HAGH: variants seen among roughly 807,000 people sequenced by gnomAD.
The protein encoded by HAGH is hydroxyacylglutathione hydrolase, mitochondrial.
In HAGH, 29 loss-of-function variants were observed where a neutral mutation model predicts 35.1. The observed-to-expected ratio is 0.83, with a 90% CI of 0.62 to 1.13. The LOEUF (loss-of-function observed/expected upper bound fraction) is 1.13, where lower values mean the gene tolerates loss of function less well. Among genes scored for constraint, HAGH ranks in the 50% most tolerant of loss-of-function variants. The pLI, the probability that HAGH is intolerant of heterozygous loss-of-function variation, is 0.00. For missense variants in HAGH, 478 were observed against 419.6 expected (o/e 1.14, Z -1.22); for synonymous variants, 225 against 176.1 (o/e 1.28, Z -2.20).
chr16:1,822,941 G>C lies in HAGH; in HGVS notation c.173C>G (p.Thr58Ser), dbSNP rs749442164. 6.2e-7 allele frequency: 1 copy of C among 1,613,774 alleles called. No individual in the cohort carries two copies. Among genetic ancestry groups the C allele is most frequent in the Non-Finnish European group, 8.5e-7 (1 of 1,179,776 alleles). The change falls in exon 2 of 9, where the codon ACC becomes AGC. Residue 58 changes from threonine (T) to serine (S), a missense_variant. Coordinates refer to ENST00000397356, the MANE Select transcript of HAGH (RefSeq NM_005326.6). ...AATGACCAGGTACATGTAGTTGTCG[G>C]TCAGGGCAGGCAGCACCTCTACCTT... ...TMKVEVLPAL[T>S]DNYMYLVIDD...
At chr16:1,809,558 G>C in intron 8 of HAGH, 176 bp from the exon 9 acceptor site, 1 of 664,022 alleles carries the variant, frequency 1.5e-6, no homozygotes, top group Non-Finnish European at 2.6e-6. Flanking sequence ...GGGTCCAGAA[G>C]GACTCACACC....
intron 7 of HAGH, among the ~76,000 whole-genome samples, chr16:1,813,499 T>C (rs1409319683): frequency 6.6e-6 from 1 of 152,220 alleles, no homozygotes; most frequent in Non-Finnish European, 1.5e-5. Flanking sequence ...CAAATAATCA[T>C]GACCAGAAGT....
rs1474890499 is a variant in HAGH, at chr16:1,812,513, AAAAAAAC to A, written c.748-2687_748-2681del. On this transcript the variant is annotated intron_variant, in intron 7 of 8. Coordinates refer to ENST00000397356, the MANE Select transcript of HAGH (RefSeq NM_005326.6). ...GAGCGAAACGCTGTCTCAAAAAAAAAAAAAAACAAAAAAAAAACACACAAATTGTCAA... is the reference window on the plus strand; with the variant it reads ...GAGCGAAACGCTGTCTCAAAAAAAAAAAAAAAAAAACACACAAATTGTCAA... 3.5e-5 allele frequency: 5 copies of A among 141,042 alleles called. No homozygotes were observed. In the East Asian group the frequency reaches 1.0e-3, roughly 29 times the overall value. The allele number at this position is 141,042 out of a possible 1,614,324, so 8.7% of individuals were successfully genotyped here.
At chr16:1,811,089 C>T (rs1402445163) in intron 7 of HAGH, among the ~76,000 whole-genome samples, 1 of 152,158 alleles carries the variant, frequency 6.6e-6, no homozygotes, top group South Asian at 2.1e-4. Context: ...AGCTATTTTT[C>T]CTACAAAGTA....
At chr16:1,819,040 C>A (rs764153289) in intron 5 of HAGH, 75 bp downstream of exon 5, 11 of 929,400 alleles carry the variant, frequency 1.2e-5, no homozygotes, top group Admixed American at 7.6e-5. Flanking sequence ...ACGAAGCTGC[C>A]CCGTGAGCCT....
rs1192633686 is a variant in HAGH at position 1,807,980 on chromosome 16, CCACA to C, written c.*1299_*1302del. 6.6e-6 allele frequency: 1 copy of C among 152,306 alleles called. No individual in the cohort carries two copies. The highest frequency in any genetic ancestry group is 6.5e-5 in the Admixed American group (1 of 15,294). 9.4% of individuals were successfully genotyped at this position (152,306 alleles called of 1,614,324 possible). ...GACCAGGTGGCAGAGGGTGTGGGCC[CCACA>C]CAGAGTCACCTCCCCTCACAGCTCA... On this transcript the variant is annotated 3_prime_UTR_variant, in exon 9 of 9. Coordinates refer to ENST00000397356, the MANE Select transcript of HAGH (RefSeq NM_005326.6).
In HAGH at chr16:1,819,174, C is replaced by T; in HGVS notation, c.482G>A (p.Gly161Glu). 6.2e-7 allele frequency: 1 copy of T among 1,613,404 alleles called. No individual in the cohort carries two copies. The highest frequency in any genetic ancestry group is 2.2e-5 in the East Asian group (1 of 44,874). Reference sequence around the variant, plus strand: ...CTTGCTCACGAAGTAACAAATGTGTCCTGAAGTGTGGCACGGGGTCGCCAG... The same window carrying T: ...CTTGCTCACGAAGTAACAAATGTGTTCTGAAGTGTGGCACGGGGTCGCCAG... The part of the protein sequence containing the change: ...KCLATPCHTS[G>E]HICYFVSKPG... Residue 161 changes from glycine (G) to glutamate (E), a missense_variant, in exon 5 of 9, where the codon GGA becomes GAA. Gly to Glu is a moderately conservative substitution (Grantham distance 98, BLOSUM62 -2). Transcript: ENST00000397356.
At chr16:1,811,474 A>AG (rs1439834225) in intron 7 of HAGH, among the ~76,000 whole-genome samples, 1 of 74,290 alleles carries the variant, frequency 1.3e-5, no homozygotes, top group African/African-American at 5.4e-5. Context: ...GCACTGGGGG[A>AG]GGCTGAGGCA....
In HAGH at chr16:1,823,043, G is replaced by C; in HGVS notation, c.77-6C>G. On this transcript the variant is annotated splice_polypyrimidine_tract_variant and splice_region_variant and intron_variant, in intron 1 of 8. Coordinates refer to ENST00000397356, the MANE Select transcript of HAGH (RefSeq NM_005326.6). The stretch of plus-strand genomic sequence containing the variant: ...AACTCCCAGCAGGGCTGGACCTGCA[G>C]ACACAGAGCACAACTCAGCGGGCAG... The C allele has an allele frequency of 6.2e-7, 1 of 1,613,270 alleles. No homozygotes were observed. The highest frequency in any genetic ancestry group is 8.5e-7 in the Non-Finnish European group (1 of 1,179,942).
chr16:1,816,880 C>A lies in HAGH; in HGVS notation c.747+13G>T. On this transcript the variant is annotated intron_variant, in intron 7 of 8. Coordinates refer to ENST00000397356, the MANE Select transcript of HAGH (RefSeq NM_005326.6). ...CCCACAGGAAGGCACTGCGCAGTGACGGCCCCACTCACCTTGGCCCAGGCC... is the reference window on the plus strand; with the variant it reads ...CCCACAGGAAGGCACTGCGCAGTGAAGGCCCCACTCACCTTGGCCCAGGCC... 1 of 1,564,468 alleles carries A rather than the reference C, an allele frequency of 6.4e-7. No homozygotes were observed. Among genetic ancestry groups the A allele is most frequent in the South Asian group, 1.1e-5 (1 of 90,106 alleles).
At position 1,819,103 on chromosome 16, in the gene HAGH, T is replaced by C. The variant is rs7205570; in HGVS notation, c.541+12A>G. The C allele has an allele frequency of 7.4e-3, 11,453 of 1,546,284 alleles. 617 individuals carry two copies. The African/African-American group carries it at 0.13, about 17-fold the overall frequency. ...GAAGAACCCCCGCCCCCACCCACAC[T>C]CGAACACGCACCTGTGAACACGGCA... On this transcript the variant is annotated intron_variant, in intron 5 of 8. Transcript: ENST00000397356.
chr16:1,809,922 G>C, intron 7 of HAGH, 89 bp from the exon 8 acceptor site: 1 of 925,958 alleles, frequency 1.1e-6, no homozygotes. Context: ...CCAGCACTTT[G>C]GGAGGCTAAG....
chr16:1,810,036 G>A (rs1897569470), intron 7 of HAGH: 2 of 576,672 alleles, frequency 3.5e-6, no homozygotes, highest in Admixed American at 2.9e-5. Context: ...ATGGTGGCAG[G>A]CACCTGTGGT....
Position 1,826,805 on chromosome 16 carries a change from A to T in HAGH, c.-18T>A, listed in dbSNP as rs1848248554. On this transcript the variant is annotated 5_prime_UTR_variant, in exon 1 of 9. Transcript: ENST00000397356. ...ACCACCATGACCCGGGCCGGGCTGG[A>T]CTGCCGAGCTGCCCAGGACTGCAAA... 7.4e-6 allele frequency: 9 copies of T among 1,216,746 alleles called. No homozygotes were observed. In the East Asian group the frequency reaches 2.9e-4, roughly 40 times the overall value. The allele number at this position is 1,216,746 out of a possible 1,614,324, so 75.4% of individuals were successfully genotyped here.
chr16:1,818,783 G>C (rs745423131), intron 5 of HAGH: 5 of 302,202 alleles, frequency 1.7e-5, no homozygotes, highest in Non-Finnish European at 2.5e-5. Flanking sequence ...CCACACTACG[G>C]CATCAAGGAA....
intron 1 of HAGH, among the ~76,000 whole-genome samples, chr16:1,823,719 G>A (rs1898262689): frequency 7.5e-6 from 1 of 134,138 alleles, no homozygotes; most frequent in Non-Finnish European, 1.5e-5. Context: ...CTCCAGCCTG[G>A]GTGACAAGAC....
chr16:1,819,119 G>A lies in HAGH; in HGVS notation c.537C>T (p.Phe179=). 1.2e-6 allele frequency: 2 copies of A among 1,600,350 alleles called. No individual in the cohort carries two copies. Among genetic ancestry groups the A allele is most frequent in the Non-Finnish European group, 1.7e-6 (2 of 1,167,982 alleles). The change falls in exon 5 of 9, where the codon TTC becomes TTT. Residue 179 remains phenylalanine, a synonymous_variant. Transcript: ENST00000397356. ...CACCCACACTCGAACACGCACCTGTGAACACGGCAGGGGGCTCCGAGCCTC... is the reference window on the plus strand; with the variant it reads ...CACCCACACTCGAACACGCACCTGTAAACACGGCAGGGGGCTCCGAGCCTC... The part of the protein sequence containing the change: ...KPGGSEPPAV[F]TGDTLFVAGC...
intron 1 of HAGH, among the ~76,000 whole-genome samples, chr16:1,825,343 C>T (rs982554183): frequency 6.6e-6 from 1 of 152,166 alleles, no homozygotes; most frequent in Non-Finnish European, 1.5e-5. Flanking sequence ...GAGACCATCA[C>T]AGCCTCCTGA....
Position 1,825,887 on chromosome 16 carries a change from G to C in HAGH, c.76+825C>G, listed in dbSNP as rs116786247. Among the ~76,000 whole-genome samples, 945 of 152,324 alleles carry C rather than the reference G, an allele frequency of 6.2e-3. 13 individuals carry two copies. The highest frequency in any genetic ancestry group is 0.022 in the African/African-American group (925 of 41,588). ...CTGCACTTCTTTTTTAAATCAGGAA[G>C]TTTCACAGCATCTTGCTTCCCTTGA... On this transcript the variant is annotated intron_variant, in intron 1 of 8. Coordinates refer to ENST00000397356, the MANE Select transcript of HAGH (RefSeq NM_005326.6).
Sources: allele counts gnomAD v4.1 joint callset (sites outside exome capture counted in the v4.1 genomes callset), GRCh38; gene constraint gnomAD v4.1.1; transcripts MANE v1.5; gene names NCBI Gene and HGNC (gene_info 2026-07-23, HGNC 2026-07-21).